ANXA2: variants seen among roughly 807,000 people sequenced by gnomAD.
ANXA2 encodes annexin A2.
A neutral mutation model predicts 47.3 loss-of-function variants in ANXA2; 28 were observed. That is an observed-to-expected ratio of 0.59 (90% CI 0.44 to 0.81). The LOEUF is 0.81. Ranked by LOEUF, ANXA2 falls within the 40% of genes least tolerant of loss-of-function variation. ANXA2 has a pLI of 0.00. For missense variants in ANXA2, 384 were observed against 414.3 expected, an observed-to-expected ratio of 0.93 and a Z score of 0.64; for synonymous variants, 172 against 155.5, an observed-to-expected ratio of 1.11 and a Z score of -0.79.
chr15:60,370,772 G>A (rs893247052), intron 3 of ANXA2, among the ~76,000 whole-genome samples: 1 of 152,190 alleles, frequency 6.6e-6, no homozygotes, highest in Non-Finnish European at 1.5e-5. Context: ...CTGACCTCTC[G>A]TGTTCCAGTG....
intron 1 of ANXA2, chr15:60,390,438 C>T (rs2062993665): frequency 1.2e-5 from 6 of 511,660 alleles, no homozygotes; most frequent in Non-Finnish European, 1.9e-5. Context: ...CCCCACAAAA[C>T]GGCACAATAC....
chr15:60,386,389 T>C (rs947689483), intron 1 of ANXA2: 3 of 273,086 alleles, frequency 1.1e-5, no homozygotes, highest in African/African-American at 6.5e-5. Flanking sequence ...ATGCAACCTG[T>C]TCAGACAGGA....
chr15:60,382,858 A>C (rs2062881736), intron 2 of ANXA2: 4 of 156,788 alleles, frequency 2.6e-5, no homozygotes, highest in Admixed American at 1.9e-4. Flanking sequence ...CTACAGGTAC[A>C]TGAATTTCTA....
At position 60,370,581 on chromosome 15, in the gene ANXA2, G is replaced by A. The variant is rs540181162; in HGVS notation, c.149-6058C>T. ...CAGGTTGAGGTTGCAAGGGTCATCC[G>A]GTTACTCACCATTTCTACCCAGGAT... On this transcript the variant is annotated intron_variant, in intron 3 of 12. Transcript: ENST00000451270. Among the ~76,000 whole-genome samples, 11 of 152,250 alleles carry A rather than the reference G, an allele frequency of 7.2e-5. No homozygotes were observed. In the South Asian group the frequency reaches 1.0e-3, roughly 14 times the overall value.
At chr15:60,368,381 A>C (rs1019800291) in intron 3 of ANXA2, among the ~76,000 whole-genome samples, 8 of 152,110 alleles carry the variant, frequency 5.3e-5, no homozygotes, top group African/African-American at 1.4e-4. Flanking sequence ...TTCAGCTTCA[A>C]AGATGCTTAT....
chr15:60,364,401 T>C lies in ANXA2; in HGVS notation c.243+28A>G, dbSNP rs1041617789. 3.8e-6 allele frequency: 6 copies of C among 1,571,338 alleles called. No individual in the cohort carries two copies. In the Admixed American group the frequency reaches 5.3e-5, roughly 14 times the overall value. On this transcript the variant is annotated intron_variant, in intron 4 of 12. Coordinates refer to ENST00000451270, the MANE Select transcript of ANXA2 (RefSeq NM_004039.3). ...GAGGAAACAAAAATTCAACAAGAAA[T>C]GCCCTCCATCCCTGGAATTGCCTGT... is the stretch of plus-strand genomic sequence containing the variant.
At chr15:60,359,139 T>C (rs1252167459) in intron 5 of ANXA2, among the ~76,000 whole-genome samples, 2 of 152,114 alleles carry the variant, frequency 1.3e-5, no homozygotes, top group African/African-American at 2.4e-5. Context: ...TTTGGACGGG[T>C]ATTCAACTGT....
chr15:60,374,006 G>C (rs1039745430), intron 3 of ANXA2, among the ~76,000 whole-genome samples: 17 of 152,174 alleles, frequency 1.1e-4, no homozygotes, highest in Non-Finnish European at 1.8e-4. Flanking sequence ...AATGAGGCAG[G>C]GGAGTTGGGT....
At chr15:60,363,077 T>C (rs958623714) in intron 4 of ANXA2, 2 of 148,820 alleles carry the variant, frequency 1.3e-5, no homozygotes, top group Admixed American at 1.3e-4. Context: ...CTTCTATGTG[T>C]GTGTGTACAC....
At chr15:60,388,882 C>T (rs1223672669) in intron 1 of ANXA2, among the ~76,000 whole-genome samples, 1 of 148,018 alleles carries the variant, frequency 6.8e-6, no homozygotes, top group African/African-American at 2.5e-5. Flanking sequence ...GCTGGGACTA[C>T]AGGCGTGTGC....
At chr15:60,349,248 A>G in intron 11 of ANXA2, 51 bp from the exon 12 acceptor site, 1 of 1,603,436 alleles carries the variant, frequency 6.2e-7, no homozygotes, top group Non-Finnish European at 8.5e-7. Context: ...TTATCGTTAA[A>G]GAAAGCGTCT....
At chr15:60,385,731 A>T (rs2062923470) in intron 2 of ANXA2, 1 of 307,990 alleles carries the variant, frequency 3.2e-6, no homozygotes, top group East Asian at 6.2e-5. Context: ...GTCATGTACC[A>T]TCATAACAGT....
chr15:60,357,097 T>A (rs750067226), intron 6 of ANXA2, 49 bp downstream of exon 6: 4 of 1,550,450 alleles, frequency 2.6e-6, no homozygotes, highest in Admixed American at 1.7e-5. Flanking sequence ...CATGATAGAG[T>A]CACATAAATT....
chr15:60,387,487 T>A (rs898461169), intron 1 of ANXA2, among the ~76,000 whole-genome samples: 1 of 152,268 alleles, frequency 6.6e-6, no homozygotes, highest in Middle Eastern at 3.4e-3. Context: ...CATCAAGCCA[T>A]GAAAAGACAC....
intron 2 of ANXA2, chr15:60,384,805 C>G (rs2062910887): frequency 6.6e-6 from 1 of 152,222 alleles, no homozygotes; most frequent in African/African-American, 2.4e-5. Context: ...GGGTCTTGCA[C>G]CATGTGACCC....
intron 1 of ANXA2, among the ~76,000 whole-genome samples, chr15:60,395,484 G>A (rs917118219): frequency 6.6e-6 from 1 of 152,214 alleles, no homozygotes. Flanking sequence ...TGAGAACAAA[G>A]GCTCCAGACA....
intron 1 of ANXA2, chr15:60,397,220 C>T: frequency 1.0e-6 from 1 of 955,130 alleles, no homozygotes. Context: ...TGGCGAGTAA[C>T]AGGACAACCC....
chr15:60,359,067 G>T (rs1048347297), intron 5 of ANXA2, among the ~76,000 whole-genome samples: 2 of 152,196 alleles, frequency 1.3e-5, no homozygotes, highest in African/African-American at 4.8e-5. Context: ...GGTACTGCCA[G>T]AAGTCAAAAC....
chr15:60,359,212 G>T (rs553155990), intron 5 of ANXA2, among the ~76,000 whole-genome samples: 1 of 152,280 alleles, frequency 6.6e-6, no homozygotes, highest in African/African-American at 2.4e-5. Context: ...CTTCCATTGG[G>T]CCCAATTACA....
Sources: allele counts gnomAD v4.1 joint callset (sites outside exome capture counted in the v4.1 genomes callset), GRCh38; gene constraint gnomAD v4.1.1; transcripts MANE v1.5; gene names NCBI Gene and HGNC (gene_info 2026-07-23, HGNC 2026-07-21).